Variants in ZBTB20 observed in about 807,000 individuals in gnomAD.
ZBTB20 encodes the protein zinc finger and BTB domain containing 20, also known as zinc finger and BTB domain-containing protein 20.
In ZBTB20, 9 loss-of-function variants were observed where a neutral mutation model predicts 56.9. The observed-to-expected ratio is 0.16, with a 90% CI of 0.10 to 0.28. The LOEUF (loss-of-function observed/expected upper bound fraction) is 0.28. Ranked by LOEUF, ZBTB20 falls within the 10% of genes least tolerant of loss-of-function variation. ZBTB20 has a pLI of 1.00. For missense variants in ZBTB20, 655 were observed against 1,003.0 expected (o/e 0.65, Z 4.69); for synonymous variants, 417 against 420.7 (o/e 0.99, Z 0.11).
intron 6 of ZBTB20, among the ~76,000 whole-genome samples, chr3:114,670,811 G>A (rs931002878): frequency 1.3e-5 from 2 of 152,062 alleles, no homozygotes; most frequent in African/African-American, 4.8e-5. Context: ...ATGCTGTGGG[G>A]CACCCATGTG....
intron 6 of ZBTB20, among the ~76,000 whole-genome samples, chr3:114,624,550 T>C (rs2058541452): frequency 2.0e-5 from 3 of 152,170 alleles, no homozygotes; most frequent in African/African-American, 7.2e-5. Flanking sequence ...TTGAATTCTG[T>C]TGGGAAGTTC....
chr3:114,586,591 T>C (rs1203082701), intron 6 of ZBTB20, among the ~76,000 whole-genome samples: 2 of 152,212 alleles, frequency 1.3e-5, no homozygotes, highest in Non-Finnish European at 2.9e-5. Flanking sequence ...ATAGGGTCAA[T>C]ACTAATCCAG....
chr3:115,045,221 A>C (rs2081290029), intron 2 of ZBTB20, among the ~76,000 whole-genome samples: 1 of 152,162 alleles, frequency 6.6e-6, no homozygotes, highest in African/African-American at 2.4e-5. Flanking sequence ...GAACATTCTT[A>C]TTCAATTTCT....
intron 10 of ZBTB20, among the ~76,000 whole-genome samples, chr3:114,366,188 G>C (rs1302686125): frequency 6.6e-6 from 1 of 152,158 alleles, no homozygotes; most frequent in East Asian, 1.9e-4. Context: ...CAAGTACGCT[G>C]CTAGAATTTT....
intron 5 of ZBTB20, among the ~76,000 whole-genome samples, chr3:114,767,351 C>T (rs938944281): frequency 1.1e-4 from 17 of 151,946 alleles, no homozygotes; most frequent in Non-Finnish European, 1.9e-4. Context: ...AGGATATTCT[C>T]AAAACTGGGA....
chr3:114,882,380 G>T (rs2076430963), intron 4 of ZBTB20, among the ~76,000 whole-genome samples: 1 of 151,790 alleles, frequency 6.6e-6, no homozygotes, highest in African/African-American at 2.4e-5. Flanking sequence ...TGTTTTTGAA[G>T]GAAAATTTTT....
chr3:114,617,785 GT>G (rs2058038796), intron 6 of ZBTB20, among the ~76,000 whole-genome samples: 1 of 152,084 alleles, frequency 6.6e-6, no homozygotes, highest in African/African-American at 2.4e-5. Context: ...GCACTTGATG[GT>G]TCCACTGTTG....
chr3:114,360,834 G>A (rs536094292), intron 10 of ZBTB20, among the ~76,000 whole-genome samples: 54 of 152,040 alleles, frequency 3.6e-4, no homozygotes, highest in African/African-American at 1.2e-3. Context: ...ATTCATCTGC[G>A]CACCTAGGGT....
intron 2 of ZBTB20, among the ~76,000 whole-genome samples, chr3:115,029,608 T>C (rs2080579687): frequency 2.0e-5 from 3 of 150,854 alleles, no homozygotes; most frequent in Admixed American, 2.0e-4. Flanking sequence ...ATTTAGCATA[T>C]GATAAATAAT....
chr3:115,036,393 G>A (rs181899565), intron 2 of ZBTB20, among the ~76,000 whole-genome samples: 10 of 151,134 alleles, frequency 6.6e-5, no homozygotes, highest in Admixed American at 2.6e-4. Context: ...TCCGCTTCCC[G>A]GGTTCAAGTG....
chr3:114,375,046 G>A (rs1209672236), intron 10 of ZBTB20, among the ~76,000 whole-genome samples: 1 of 152,168 alleles, frequency 6.6e-6, no homozygotes, highest in Non-Finnish European at 1.5e-5. Flanking sequence ...GCAAATCAGA[G>A]CCCTGTAAAA....
At chr3:115,055,705 T>A (rs2081752081) in intron 2 of ZBTB20, among the ~76,000 whole-genome samples, 1 of 152,178 alleles carries the variant, frequency 6.6e-6, no homozygotes, top group African/African-American at 2.4e-5. Context: ...TGTCATTTTT[T>A]ATTTTTCTAT....
At chr3:114,763,321 G>C (rs531166548) in intron 5 of ZBTB20, among the ~76,000 whole-genome samples, 1 of 152,126 alleles carries the variant, frequency 6.6e-6, no homozygotes, top group African/African-American at 2.4e-5. Flanking sequence ...GTCATGGCTA[G>C]TCCATAAGAA....
intron 7 of ZBTB20, among the ~76,000 whole-genome samples, chr3:114,475,252 C>T (rs1450947746): frequency 6.6e-6 from 1 of 152,018 alleles, no homozygotes; most frequent in African/African-American, 2.4e-5. Flanking sequence ...TTTTCAAAGC[C>T]CAAATCCAGT....
rs61185974 is a variant in ZBTB20, at chr3:114,979,900, G to T, written c.-506-5484C>A. On this transcript the variant is annotated intron_variant, in intron 2 of 11. Transcript: ENST00000675478. ...TATATTCTCAAAGAACATTTCATAAGATTGGTCTGGCTAAACCCCATACTA... is the reference window on the plus strand; with the variant it reads ...TATATTCTCAAAGAACATTTCATAATATTGGTCTGGCTAAACCCCATACTA... 5.9e-3 allele frequency among the ~76,000 whole-genome samples: 895 copies of T among 152,070 alleles called. 12 individuals are homozygous for T. The highest frequency in any genetic ancestry group is 0.021 in the African/African-American group (866 of 41,544).
intron 4 of ZBTB20, among the ~76,000 whole-genome samples, chr3:114,897,699 G>C (rs889707891): frequency 6.6e-6 from 1 of 152,052 alleles, no homozygotes; most frequent in African/African-American, 2.4e-5. Context: ...AGATTCACTG[G>C]AAAAAACCGA....
In ZBTB20 at chr3:114,339,495, A is replaced by C; in HGVS notation, c.1805-69T>G. 6.8e-7 allele frequency: 1 copy of C among 1,479,172 alleles called. No homozygotes were observed. The highest frequency in any genetic ancestry group is 9.1e-7 in the Non-Finnish European group (1 of 1,098,708). 91.6% of individuals were successfully genotyped at this position (1,479,172 alleles called of 1,614,324 possible). A position where few individuals can be genotyped will look rare whatever the true frequency, so the allele number is the denominator to read the frequency against. On this transcript the variant is annotated intron_variant, in intron 11 of 11. Coordinates refer to ENST00000675478, the MANE Select transcript of ZBTB20 (RefSeq NM_001348800.3). This position sits in a 1 kb window ranked among gnomAD's most constrained non-coding sequence, Gnocchi z 4.2. ...TAGCAAGGGATAGAGAATGAAGGACAGGAAAAACAAGACAACAAAAAAGAA... is the reference window on the plus strand; with the variant it reads ...TAGCAAGGGATAGAGAATGAAGGACCGGAAAAACAAGACAACAAAAAAGAA...
intron 6 of ZBTB20, among the ~76,000 whole-genome samples, chr3:114,644,063 T>A (rs1315788636): frequency 6.6e-6 from 1 of 152,084 alleles, no homozygotes; most frequent in East Asian, 1.9e-4. Context: ...TTATGCAAAT[T>A]AATAAGTCTA....
At chr3:114,793,301 A>C (rs1351736122) in intron 5 of ZBTB20, among the ~76,000 whole-genome samples, 1 of 152,104 alleles carries the variant, frequency 6.6e-6, no homozygotes, top group Non-Finnish European at 1.5e-5. Context: ...ACCAAACCCC[A>C]ATTATTAAAC....
Sources: allele counts gnomAD v4.1 joint callset (sites outside exome capture counted in the v4.1 genomes callset), GRCh38; gene constraint gnomAD v4.1.1; non-coding constraint Gnocchi (gnomAD v3.1); transcripts MANE v1.5; gene names NCBI Gene and HGNC (gene_info 2026-07-23, HGNC 2026-07-21).